Variants in ACSS1 observed in about 807,000 individuals in gnomAD.
The protein encoded by ACSS1 is acyl-CoA synthetase short chain family member 1.
In ACSS1, 42 loss-of-function variants were observed where a neutral mutation model predicts 75.3. The observed-to-expected ratio is 0.56, with a 90% CI of 0.44 to 0.72. ACSS1 has a LOEUF of 0.72. ACSS1 is among the 30% of genes least tolerant of loss of function. The pLI is 0.00. For missense variants in ACSS1, 782 were observed against 935.7 expected, an observed-to-expected ratio of 0.84 and a Z score of 2.14; for synonymous variants, 380 against 376.8, an observed-to-expected ratio of 1.01 and a Z score of -0.10.
At chr20:25,050,203 A>G (rs2089156786) in intron 1 of ACSS1, among the ~76,000 whole-genome samples, 1 of 152,120 alleles carries the variant, frequency 6.6e-6, no homozygotes, top group Non-Finnish European at 1.5e-5. Flanking sequence ...AGTCCAGTCC[A>G]ATATTTAAAA....
In ACSS1 at chr20:25,023,018, G is replaced by C; in HGVS notation, c.882C>G (p.Thr294=). Residue 294 remains threonine, a synonymous_variant, in exon 5 of 14, where the codon ACC becomes ACG. Coordinates refer to ENST00000323482, the MANE Select transcript of ACSS1 (RefSeq NM_032501.4). ...CCTTGGGCATTCCGGTGCTCCCTGA[G>C]GTGTACAGCATGAAGAGCATGTCCT... The part of the protein sequence containing the change: ...GSEDMLFMLY[T]SGSTGMPKGI... 1 of 1,614,136 alleles carries C rather than the reference G, an allele frequency of 6.2e-7. No homozygotes were observed. Among genetic ancestry groups the C allele is most frequent in the Non-Finnish European group, 8.5e-7 (1 of 1,180,022 alleles).
At chr20:25,009,122 T>C in intron 13 of ACSS1, 148 bp downstream of exon 13, 1 of 746,546 alleles carries the variant, frequency 1.3e-6, no homozygotes, top group Non-Finnish European at 2.3e-6. Flanking sequence ...AGACCCACCA[T>C]CCTCACCACC....
At chr20:25,045,819 G>C (rs556504101) in intron 2 of ACSS1, 2 of 152,352 alleles carry the variant, frequency 1.3e-5, no homozygotes, top group East Asian at 1.9e-4. Context: ...AATACTAGCT[G>C]CAATTACAGG....
chr20:25,055,359 A>G (rs1487155618), intron 1 of ACSS1, among the ~76,000 whole-genome samples: 2 of 152,242 alleles, frequency 1.3e-5, no homozygotes, highest in Non-Finnish European at 2.9e-5. Context: ...AGTACAGGGA[A>G]AGCAAGAAAT....
chr20:25,024,744 T>A (rs545756751), intron 3 of ACSS1, among the ~76,000 whole-genome samples: 1 of 152,222 alleles, frequency 6.6e-6, no homozygotes, highest in Non-Finnish European at 1.5e-5. Flanking sequence ...CCTAAATAAA[T>A]CTGAAAGCAC....
chr20:25,013,014 G>C, intron 10 of ACSS1, 75 bp from the exon 11 acceptor site: 1 of 1,603,364 alleles, frequency 6.2e-7, no homozygotes, highest in Admixed American at 1.7e-5. Context: ...TAAGCGTGAA[G>C]CTCTGCAGCC....
intron 1 of ACSS1, among the ~76,000 whole-genome samples, chr20:25,048,449 A>G (rs776099670): frequency 6.6e-6 from 1 of 152,188 alleles, no homozygotes; most frequent in Non-Finnish European, 1.5e-5. Flanking sequence ...GCATATTGGC[A>G]TCTCCTGGGC....
intron 8 of ACSS1, 89 bp downstream of exon 8, chr20:25,015,049 T>C: frequency 8.7e-7 from 1 of 1,152,746 alleles, no homozygotes; most frequent in South Asian, 1.5e-5. Context: ...TCGCACCTGC[T>C]GTTGAGAGCT....
At chr20:25,009,643 C>A in intron 12 of ACSS1, 1 of 487,270 alleles carries the variant, frequency 2.1e-6, no homozygotes, top group South Asian at 2.3e-5. Context: ...GGCATCTCAG[C>A]TCTAATGCTG....
chr20:25,031,348 G>A (rs767222441), intron 2 of ACSS1, among the ~76,000 whole-genome samples: 1 of 152,154 alleles, frequency 6.6e-6, no homozygotes, highest in Non-Finnish European at 1.5e-5. Context: ...TACAGCTGAC[G>A]AAGTAGCTTA....
chr20:25,029,626 C>A (rs1177954226), intron 3 of ACSS1, among the ~76,000 whole-genome samples: 2 of 152,148 alleles, frequency 1.3e-5, no homozygotes, highest in East Asian at 3.8e-4. Flanking sequence ...TCAATGAATG[C>A]ATATTATTCA....
chr20:25,008,847 G>T (rs765680484), intron 13 of ACSS1, among the ~76,000 whole-genome samples: 1 of 152,170 alleles, frequency 6.6e-6, no homozygotes, highest in Non-Finnish European at 1.5e-5. Context: ...GCCAACATAC[G>T]AGAGCAGAAG....
intron 1 of ACSS1, among the ~76,000 whole-genome samples, chr20:25,055,636 G>A (rs1455858154): frequency 2.6e-5 from 4 of 152,190 alleles, no homozygotes; most frequent in Non-Finnish European, 4.4e-5. Context: ...AGATGTCCAG[G>A]ATGGGCTCCA....
chr20:25,008,855 A>T (rs1430355794), intron 13 of ACSS1, among the ~76,000 whole-genome samples: 2 of 152,230 alleles, frequency 1.3e-5, no homozygotes, highest in Non-Finnish European at 2.9e-5. Flanking sequence ...ACGAGAGCAG[A>T]AGCCTGCCTA....
intron 2 of ACSS1, among the ~76,000 whole-genome samples, chr20:25,038,539 T>G (rs2088951583): frequency 6.6e-6 from 1 of 152,118 alleles, no homozygotes; most frequent in Non-Finnish European, 1.5e-5. Flanking sequence ...CTCAGGCACC[T>G]CCTTCTCAGG....
chr20:25,029,812 T>G (rs1284298978), intron 3 of ACSS1, among the ~76,000 whole-genome samples: 1 of 152,212 alleles, frequency 6.6e-6, no homozygotes, highest in Non-Finnish European at 1.5e-5. Context: ...CACTTTAAGA[T>G]GGTTACAACA....
intron 3 of ACSS1, among the ~76,000 whole-genome samples, chr20:25,027,398 T>C (rs2088738501): frequency 6.6e-6 from 1 of 152,104 alleles, no homozygotes; most frequent in Non-Finnish European, 1.5e-5. Context: ...TTCCACAAAA[T>C]GCTAGCAAAC....
At chr20:25,053,700 G>A (rs2089206834) in intron 1 of ACSS1, among the ~76,000 whole-genome samples, 1 of 152,134 alleles carries the variant, frequency 6.6e-6, no homozygotes, top group South Asian at 2.1e-4. Flanking sequence ...GGAAACTACA[G>A]CAAACACAGA....
intron 1 of ACSS1, among the ~76,000 whole-genome samples, chr20:25,056,413 C>T (rs2089242865): frequency 6.6e-6 from 1 of 152,158 alleles, no homozygotes; most frequent in Non-Finnish European, 1.5e-5. Context: ...TAGTAAGTGA[C>T]TCATTTTAAT....
Sources: allele counts gnomAD v4.1 joint callset (sites outside exome capture counted in the v4.1 genomes callset), GRCh38; gene constraint gnomAD v4.1.1; transcripts MANE v1.5; gene names NCBI Gene and HGNC (gene_info 2026-07-23, HGNC 2026-07-21).